Variants in CLMP observed in about 807,000 individuals in gnomAD.
CLMP encodes CXADR like cell adhesion molecule.
In CLMP, 27 loss-of-function variants were observed where a neutral mutation model predicts 45.2. The ratio of observed to expected loss-of-function variants is 0.60; its 90% confidence interval spans 0.44 to 0.82. CLMP has a LOEUF of 0.82. Among genes scored for constraint, CLMP ranks in the 40% least tolerant of loss-of-function variants. The pLI, the probability that CLMP is intolerant of heterozygous loss-of-function variation, is 0.00. For synonymous variants in CLMP, 167 were observed against 171.4 expected (o/e 0.97, Z 0.20); for missense variants, 403 against 448.4 (o/e 0.90, Z 0.91).
At chr11:123,087,851 T>C (rs1865883355) in intron 2 of CLMP, among the ~76,000 whole-genome samples, 1 of 151,744 alleles carries the variant, frequency 6.6e-6, no homozygotes, top group African/African-American at 2.4e-5. Context: ...GAAAAATGTT[T>C]GTAGGGTGTT....
intron 2 of CLMP, among the ~76,000 whole-genome samples, chr11:123,089,121 A>T (rs1010902687): frequency 6.6e-6 from 1 of 152,320 alleles, no homozygotes; most frequent in Non-Finnish European, 1.5e-5. Context: ...CCCGGGGCTC[A>T]TGCCTGTAAT....
At chr11:123,194,107 C>A (rs1217504197) in intron 1 of CLMP, among the ~76,000 whole-genome samples, 7 of 152,108 alleles carry the variant, frequency 4.6e-5, no homozygotes, top group Admixed American at 4.6e-4. Flanking sequence ...ATGTCCTCTC[C>A]TGCAAACCTG....
At chr11:123,172,476 A>T (rs1024364879) in intron 1 of CLMP, among the ~76,000 whole-genome samples, 1 of 151,492 alleles carries the variant, frequency 6.6e-6, no homozygotes, top group Non-Finnish European at 1.5e-5. Context: ...ATAAACTTTT[A>T]TTGTTTATTT....
At chr11:123,137,461 G>A (rs1036753348) in intron 1 of CLMP, among the ~76,000 whole-genome samples, 13 of 152,016 alleles carry the variant, frequency 8.6e-5, no homozygotes, top group Non-Finnish European at 1.9e-4. Flanking sequence ...AGCCGACAGG[G>A]TCCCAGAGGG....
chr11:123,166,717 C>A (rs935839617), intron 1 of CLMP, among the ~76,000 whole-genome samples: 1 of 152,104 alleles, frequency 6.6e-6, no homozygotes, highest in African/African-American at 2.4e-5. Context: ...TTCTGTTGCA[C>A]GGCAGGGTGA....
chr11:123,084,467 C>T, intron 3 of CLMP, 45 bp downstream of exon 3: 2 of 1,501,716 alleles, frequency 1.3e-6, no homozygotes, highest in African/African-American at 2.7e-5. Context: ...CTCTTAGATA[C>T]CTTAGAAATA....
At chr11:123,075,948 G>A (rs1353489520) in intron 5 of CLMP, among the ~76,000 whole-genome samples, 1 of 152,046 alleles carries the variant, frequency 6.6e-6, no homozygotes, top group African/African-American at 2.4e-5. Context: ...TGACGTGGGC[G>A]GATCACTTGA....
chr11:123,157,672 T>C (rs1016202723), intron 1 of CLMP, among the ~76,000 whole-genome samples: 1 of 135,016 alleles, frequency 7.4e-6, no homozygotes, highest in Non-Finnish European at 1.5e-5. Flanking sequence ...GAGGTGGCAG[T>C]GAGCCAAGAT....
At chr11:123,102,707 C>CTTTTTTTTTT (rs34392557) in intron 1 of CLMP, among the ~76,000 whole-genome samples, 790 of 93,326 alleles carry the variant, frequency 8.5e-3, no homozygotes, top group African/African-American at 0.014. Flanking sequence ...TCCCGAGTAG[C>CTTTTTTTTTT]TTTTTTTTTT....
chr11:123,171,467 G>A (rs1251879800), intron 1 of CLMP, among the ~76,000 whole-genome samples: 4 of 125,536 alleles, frequency 3.2e-5, no homozygotes, highest in South Asian at 2.6e-4. Flanking sequence ...TTTTTGAGAC[G>A]GAGTCTAGCT....
rs1384481987 is a variant in CLMP at position 123,070,011 on chromosome 11, C to T, written c.*3463G>A. The T allele has an allele frequency of 1.3e-5, 2 of 152,204 alleles. No homozygotes were observed. Among genetic ancestry groups the T allele is most frequent in the African/African-American group, 2.4e-5 (1 of 41,460 alleles). 9.4% of individuals were successfully genotyped at this position (152,204 alleles called of 1,614,324 possible). A position where few individuals can be genotyped will look rare whatever the true frequency, so the allele number is the denominator to read the frequency against. On this transcript the variant is annotated 3_prime_UTR_variant, in exon 7 of 7. Transcript: ENST00000448775. Reference sequence around the variant, plus strand: ...TGAAACTGAAATATAAACAGCTTAACACCAGAAGGAAGCAAAACTATATAT... The same window carrying T: ...TGAAACTGAAATATAAACAGCTTAATACCAGAAGGAAGCAAAACTATATAT...
intron 2 of CLMP, among the ~76,000 whole-genome samples, chr11:123,097,244 C>T (rs1164394681): frequency 6.6e-6 from 1 of 151,992 alleles, no homozygotes; most frequent in Non-Finnish European, 1.5e-5. Flanking sequence ...TAGCTCACTG[C>T]AGCCTGGCAC....
rs79341961 is a variant in CLMP, at chr11:123,162,945, G to A, written c.28+31968C>T. Among the ~76,000 whole-genome samples, 508 of 151,850 alleles carry A rather than the reference G, an allele frequency of 3.3e-3. 11 individuals are homozygous for A. In the East Asian group the frequency reaches 0.05, roughly 15 times the overall value. ...AAGAAAACCAAAAAATAAAAAATCA[G>A]CATAAATAACCATATTTAGGCAAAG... On this transcript the variant is annotated intron_variant, in intron 1 of 6. Coordinates refer to ENST00000448775, the MANE Select transcript of CLMP (RefSeq NM_024769.5).
intron 1 of CLMP, among the ~76,000 whole-genome samples, chr11:123,147,444 A>G (rs2135522047): frequency 6.6e-6 from 1 of 152,290 alleles, no homozygotes; most frequent in South Asian, 2.1e-4. Flanking sequence ...AAAAATTAAA[A>G]AGATAGTTTT....
At chr11:123,102,564 C>T (rs1266329717) in intron 1 of CLMP, among the ~76,000 whole-genome samples, 4 of 150,384 alleles carry the variant, frequency 2.7e-5, no homozygotes, top group Admixed American at 2.7e-4. Context: ...CAGGTGACAG[C>T]CACCGTGCCC....
intron 1 of CLMP, among the ~76,000 whole-genome samples, chr11:123,112,769 C>CTTT (rs1860657355): frequency 7.8e-6 from 1 of 128,540 alleles, no homozygotes; most frequent in African/African-American, 3.3e-5. Flanking sequence ...TGTTAGTACC[C>CTTT]ATTTTTTTTT....
intron 1 of CLMP, among the ~76,000 whole-genome samples, chr11:123,134,257 T>TA (rs543288437): frequency 0.089 from 12,753 of 142,992 alleles, 569 homozygotes; most frequent in East Asian, 0.17. Context: ...GACTCTGTCT[T>TA]AAAAAAAAAA....
Position 123,110,538 on chromosome 11 carries a change from G to C in CLMP, c.29-12586C>G, listed in dbSNP as rs183517539. 5.9e-5 allele frequency among the ~76,000 whole-genome samples: 9 copies of C among 152,076 alleles called. No homozygotes were observed. In the East Asian group the frequency reaches 1.7e-3, roughly 29 times the overall value. Reference sequence around the variant, plus strand: ...GGAGGCTTAGACAGGAGAATTGCTGGAACTCAGGAAGTGCAGGCTGTAGCG... The same window carrying C: ...GGAGGCTTAGACAGGAGAATTGCTGCAACTCAGGAAGTGCAGGCTGTAGCG... On this transcript the variant is annotated intron_variant, in intron 1 of 6. Transcript: ENST00000448775.
chr11:123,074,659 C>G lies in CLMP; in HGVS notation c.821+43G>C, dbSNP rs73610557. ...TTGGCTGGTCACTATAGTGCTGGCC[C>G]TAAAACAGAAGCCCCGTAAAAGTAG... On this transcript the variant is annotated intron_variant, in intron 6 of 6. Transcript: ENST00000448775. The G allele has an allele frequency of 9.9e-3, 15,822 of 1,602,460 alleles. 949 individuals carry two copies. In the East Asian group the frequency reaches 0.18, roughly 18 times the overall value.
Sources: gnomAD v4.1 joint callset for allele counts (sites outside exome capture counted in the v4.1 genomes callset) on GRCh38, gnomAD v4.1.1 for gene constraint, MANE v1.5 for transcripts, NCBI Gene and HGNC (gene_info 2026-07-23, HGNC 2026-07-21) for gene names.